SPIDR: variants seen among roughly 807,000 people sequenced by gnomAD.
SPIDR encodes the protein scaffold protein involved in DNA repair.
In SPIDR, 93 loss-of-function variants were observed where a neutral mutation model predicts 104.6. The ratio of observed to expected loss-of-function variants is 0.89; its 90% CI spans 0.75 to 1.06. The LOEUF (loss-of-function observed/expected upper bound fraction) is 1.06, where lower values mean the gene tolerates loss of function less well. Ranked by LOEUF, SPIDR falls within the 50% of genes least tolerant of loss-of-function variation. The pLI is 0.00. For missense variants in SPIDR, 1,154 were observed against 1,111.2 expected, an observed-to-expected ratio of 1.04 and a Z score of -0.55; for synonymous variants, 431 against 416.9, an observed-to-expected ratio of 1.03 and a Z score of -0.41.
rs919211772 is a variant in SPIDR, at chr8:47,273,766, G to A, written c.34-6096G>A. On this transcript the variant is annotated intron_variant, in intron 1 of 19. Transcript: ENST00000297423. ...ATGCCACCACATCTGGCTAATTTTT[G>A]TATTTTTTGTAGAAATGAGGTCTTG... Among the ~76,000 whole-genome samples, 113 of 152,110 alleles carry A rather than the reference G, an allele frequency of 7.4e-4. 1 individual carries two copies. The highest frequency in any genetic ancestry group is 1.1e-3 in the Non-Finnish European group (76 of 67,978).
intron 5 of SPIDR, among the ~76,000 whole-genome samples, chr8:47,303,501 T>C (rs971447909): frequency 1.3e-5 from 2 of 152,156 alleles, no homozygotes; most frequent in Admixed American, 1.3e-4. Flanking sequence ...AATACCTCAG[T>C]TGGAAATGCA....
At chr8:47,467,567 C>T (rs1467900203) in intron 8 of SPIDR, among the ~76,000 whole-genome samples, 4 of 152,140 alleles carry the variant, frequency 2.6e-5, no homozygotes, top group Admixed American at 2.6e-4. Flanking sequence ...ATATGCAAAT[C>T]AATAAATGTG....
chr8:47,415,335 A>G (rs2064106918), intron 7 of SPIDR, among the ~76,000 whole-genome samples: 2 of 152,156 alleles, frequency 1.3e-5, no homozygotes, highest in African/African-American at 4.8e-5. Flanking sequence ...TAACTGTAGA[A>G]TGACAGGACA....
At chr8:47,725,893 G>A (rs1589565679) in intron 16 of SPIDR, among the ~76,000 whole-genome samples, 1 of 152,334 alleles carries the variant, frequency 6.6e-6, no homozygotes, top group African/African-American at 2.4e-5. Context: ...AGGATAAAAA[G>A]GAACTTTGGC....
chr8:47,333,688 A>G (rs1194906291), intron 5 of SPIDR, among the ~76,000 whole-genome samples: 3 of 152,204 alleles, frequency 2.0e-5, no homozygotes, highest in Non-Finnish European at 4.4e-5. Context: ...CACATACATA[A>G]TTATATGTGC....
intron 5 of SPIDR, among the ~76,000 whole-genome samples, chr8:47,337,536 T>C (rs1333162142): frequency 6.6e-6 from 1 of 152,140 alleles, no homozygotes; most frequent in Non-Finnish European, 1.5e-5. Flanking sequence ...TTCCCATCAT[T>C]GGGTTTTATT....
intron 8 of SPIDR, among the ~76,000 whole-genome samples, chr8:47,556,622 G>A (rs2091356225): frequency 6.6e-6 from 1 of 152,066 alleles, no homozygotes; most frequent in East Asian, 1.9e-4. Flanking sequence ...TATAGAGATG[G>A]GGTCTTGCTT....
At chr8:47,477,875 G>A (rs2154360395) in intron 8 of SPIDR, among the ~76,000 whole-genome samples, 1 of 152,294 alleles carries the variant, frequency 6.6e-6, no homozygotes, top group Admixed American at 6.5e-5. Flanking sequence ...GGGGAGCATG[G>A]GGAGGCAGAG....
At position 47,673,807 on chromosome 8, in the gene SPIDR, C is replaced by G. The variant is rs762937576; in HGVS notation, c.1551C>G (p.Cys517Trp). The G allele has an allele frequency of 6.2e-7, 1 of 1,613,946 alleles. No homozygotes were observed. The highest frequency in any genetic ancestry group is 8.5e-7 in the Non-Finnish European group (1 of 1,180,016). Reference protein sequence around the residue: ...GHTDPAGTRACLLVQDACGMF... With the variant: ...GHTDPAGTRAWLLVQDACGMF... ...TGTGAATGGTTTTTTACAGAGCCTG[C>G]CTTCTGGTACAAGATGCCTGTGGAA... is the stretch of plus-strand genomic sequence containing the variant. Residue 517 changes from cysteine (C) to tryptophan (W), a missense_variant, in exon 11 of 20, where the codon TGC becomes TGG. By Grantham distance (215) the Cys-to-Trp change is radical. Coordinates refer to ENST00000297423, the MANE Select transcript of SPIDR (RefSeq NM_001080394.4).
rs973724398 is a variant in SPIDR, at chr8:47,304,131, C to T, written c.525+10101C>T. Among the ~76,000 whole-genome samples, 420 of 152,252 alleles carry T rather than the reference C, an allele frequency of 2.8e-3. 1 individual carries two copies. Among genetic ancestry groups the T allele is most frequent in the African/African-American group, 9.9e-3 (410 of 41,544 alleles). ...GCATTTGCTATGGTTTGAATGTCCT[C>T]TCCAAAACTCTTGTTGAAATTTAAT... On this transcript the variant is annotated intron_variant, in intron 5 of 19. Transcript: ENST00000297423.
chr8:47,700,615 A>G (rs1043566908), intron 12 of SPIDR, 125 bp downstream of exon 12: 10 of 890,378 alleles, frequency 1.1e-5, no homozygotes, highest in Non-Finnish European at 1.8e-5. Context: ...AGGAGCCCCC[A>G]TGCAGTCAGT....
At chr8:47,672,463 A>G (rs2075920531) in intron 10 of SPIDR, among the ~76,000 whole-genome samples, 1 of 152,162 alleles carries the variant, frequency 6.6e-6, no homozygotes, top group South Asian at 2.1e-4. Context: ...TATTCTGAGT[A>G]ATTTATTCAG....
intron 8 of SPIDR, among the ~76,000 whole-genome samples, chr8:47,578,563 A>G (rs1435972746): frequency 6.6e-6 from 1 of 152,232 alleles, no homozygotes; most frequent in African/African-American, 2.4e-5. Flanking sequence ...GCGCTATGCT[A>G]CTACTGACCT....
At chr8:47,559,937 C>T (rs945743599) in intron 8 of SPIDR, among the ~76,000 whole-genome samples, 3 of 152,132 alleles carry the variant, frequency 2.0e-5, no homozygotes, top group African/African-American at 7.2e-5. Flanking sequence ...ATAACATTAA[C>T]ATAATGTTAT....
chr8:47,420,932 T>G (rs1554679826), intron 7 of SPIDR, among the ~76,000 whole-genome samples: 1 of 152,264 alleles, frequency 6.6e-6, no homozygotes, highest in Non-Finnish European at 1.5e-5. Context: ...ATGTTGAATA[T>G]TGGCCCCCAT....
At position 47,731,063 on chromosome 8, in the gene SPIDR, G is replaced by A. The variant is rs552138940; in HGVS notation, c.2604+1598G>A. Among the ~76,000 whole-genome samples the A allele has an allele frequency of 1.3e-4, 20 of 152,222 alleles. 1 individual carries two copies. The highest frequency in any genetic ancestry group is 6.8e-3 in the Middle Eastern group (2 of 294). ...ACCTGAGGTCAGGAGTTCGAGACCA[G>A]CCTGGCCAACATGGTGACACCCCAT... On this transcript the variant is annotated intron_variant, in intron 19 of 19. Coordinates refer to ENST00000297423, the MANE Select transcript of SPIDR (RefSeq NM_001080394.4).
At chr8:47,428,633 AT>A (rs1313963410) in intron 7 of SPIDR, among the ~76,000 whole-genome samples, 3 of 152,122 alleles carry the variant, frequency 2.0e-5, no homozygotes, top group Non-Finnish European at 4.4e-5. Context: ...GTTTTTTTAG[AT>A]TTAAGAAATG....
At chr8:47,592,724 A>G (rs1248527405) in intron 8 of SPIDR, 6 of 574,108 alleles carry the variant, frequency 1.0e-5, no homozygotes, top group Non-Finnish European at 1.6e-5. Flanking sequence ...TTTTATCTGC[A>G]TACATTTAGA....
At chr8:47,392,041 A>C (rs1405462781) in intron 5 of SPIDR, among the ~76,000 whole-genome samples, 1 of 151,694 alleles carries the variant, frequency 6.6e-6, no homozygotes, top group African/African-American at 2.4e-5. Context: ...ACCAAGAAAA[A>C]AGTTTTAACA....
Sources: gnomAD v4.1 joint callset for allele counts (sites outside exome capture counted in the v4.1 genomes callset) on GRCh38, gnomAD v4.1.1 for gene constraint, MANE v1.5 for transcripts, NCBI Gene and HGNC (gene_info 2026-07-23, HGNC 2026-07-21) for gene names.